COG6: variants seen among roughly 807,000 people sequenced by gnomAD.
The protein encoded by COG6 is conserved oligomeric Golgi complex subunit 6.
COG6 carries 74 observed loss-of-function variants against 88.8 expected under a neutral mutation model. That is an observed-to-expected ratio of 0.83 (90% confidence interval 0.69 to 1.01). COG6 has a LOEUF of 1.01. Among genes scored for constraint, COG6 ranks in the 50% least tolerant of loss-of-function variants. The pLI is 0.00. For synonymous variants in COG6, 286 were observed against 278.7 expected (o/e 1.03, Z -0.26); for missense variants, 800 against 797.9 (o/e 1.00, Z -0.03).
chr13:39,665,748 G>C (rs2137957476), intron 4 of COG6, among the ~76,000 whole-genome samples: 1 of 152,304 alleles, frequency 6.6e-6, no homozygotes, highest in Non-Finnish European at 1.5e-5. Context: ...ATTATATTAT[G>C]ATGCAGTATA....
At chr13:39,677,653 G>T in intron 5 of COG6, 74 bp downstream of exon 5, 2 of 798,432 alleles carry the variant, frequency 2.5e-6, no homozygotes, top group Non-Finnish European at 2.0e-6. Flanking sequence ...CTTTTTTGAA[G>T]CTTTATTTTC....
intron 6 of COG6, 147 bp from the exon 7 acceptor site, chr13:39,679,823 ATTTAT>A (rs745570923): frequency 9.7e-5 from 66 of 677,960 alleles, no homozygotes; most frequent in Non-Finnish European, 1.6e-4. Flanking sequence ...AAAATGTGAC[ATTTAT>A]TTAATTGTAG....
chr13:39,691,405 T>C (rs1367111350), intron 11 of COG6, among the ~76,000 whole-genome samples: 1 of 151,990 alleles, frequency 6.6e-6, no homozygotes, highest in Admixed American at 6.6e-5. Context: ...TGTGATCTGC[T>C]GGCAAATTTA....
At chr13:39,756,590 T>C (rs575460284), downstream of COG6, among the ~76,000 whole-genome samples, 21 of 152,260 alleles carry the variant, frequency 1.4e-4, no homozygotes, top group African/African-American at 4.6e-4. Context: ...CAAACTGTTA[T>C]AAGCCAAAGG....
At chr13:39,783,010 A>T (rs1225994123) in intron 18 of COG6, among the ~76,000 whole-genome samples, 1 of 152,150 alleles carries the variant, frequency 6.6e-6, no homozygotes, top group African/African-American at 2.4e-5. Context: ...TATATTGATG[A>T]CTGTGAACTT....
At position 39,724,493 on chromosome 13, in the gene COG6, T is replaced by C. The variant is rs1167828021; in HGVS notation, c.1693-15T>C. 6.5e-7 allele frequency: 1 copy of C among 1,536,220 alleles called. No individual in the cohort carries two copies. The highest frequency in any genetic ancestry group is 8.8e-7 in the Non-Finnish European group (1 of 1,134,518). Reference sequence around the variant, plus strand: ...TACATCTTGGATCTGCTTTTTTTTTTTTTTTTTTAAATAGGGCTCTTTAGC... The same window carrying C: ...TACATCTTGGATCTGCTTTTTTTTTCTTTTTTTTAAATAGGGCTCTTTAGC... On this transcript the variant is annotated splice_polypyrimidine_tract_variant and intron_variant, in intron 16 of 18. Coordinates refer to ENST00000455146, the MANE Select transcript of COG6 (RefSeq NM_020751.3).
In COG6 at chr13:39,690,796, A is replaced by G. The variant is rs546282798; in HGVS notation, c.1074+972A>G. On this transcript the variant is annotated intron_variant, in intron 11 of 18. Transcript: ENST00000455146. ...CATAGGACCTAACTGTATATTCAGT[A>G]AATAAATGGCTAAGTATCTTGAAAT... 5.3e-3 allele frequency among the ~76,000 whole-genome samples: 811 copies of G among 152,060 alleles called. 3 individuals are homozygous for G. The highest frequency in any genetic ancestry group is 7.8e-3 in the Non-Finnish European group (531 of 67,836).
At chr13:39,675,177 T>G (rs959854635) in intron 4 of COG6, among the ~76,000 whole-genome samples, 1 of 152,180 alleles carries the variant, frequency 6.6e-6, no homozygotes, top group African/African-American at 2.4e-5. Flanking sequence ...ATGTTAATAT[T>G]TATCTCCTAT....
At chr13:39,727,329 A>G in intron 17 of COG6, 140 bp from the exon 18 acceptor site, 1 of 695,292 alleles carries the variant, frequency 1.4e-6, no homozygotes, top group Non-Finnish European at 2.6e-6. Flanking sequence ...TAGAAAATAC[A>G]CAATTTGAAC....
rs778013783 is a variant in COG6 at position 39,655,700 on chromosome 13, G to GCCC, written c.-26_-25insCCC. On this transcript the variant is annotated 5_prime_UTR_variant, in exon 1 of 19. Transcript: ENST00000455146. ...CCGTGGTCCCTGCCTGGCTGAGGTG[G>GCCC]CAGCAGGGGGCGGGACGCGCAGCGC... 5 of 1,551,850 alleles carry GCCC rather than the reference G, an allele frequency of 3.2e-6. No homozygotes were observed. The Admixed American group carries it at 9.7e-5, about 30-fold the overall frequency.
chr13:39,687,055 T>A (rs990383281), intron 8 of COG6, among the ~76,000 whole-genome samples: 1 of 152,146 alleles, frequency 6.6e-6, no homozygotes, highest in African/African-American at 2.4e-5. Flanking sequence ...CTAATTATAA[T>A]CAGTTTTTGA....
chr13:39,682,317 T>G (rs1876364474), intron 8 of COG6, 53 bp downstream of exon 8: 4 of 1,016,900 alleles, frequency 3.9e-6, no homozygotes, highest in Non-Finnish European at 4.7e-6. Context: ...TTTTGATATC[T>G]TACTTTAAAT....
chr13:39,748,387 G>A (rs1407371447), intron 18 of COG6, among the ~76,000 whole-genome samples: 1 of 152,056 alleles, frequency 6.6e-6, no homozygotes, highest in African/African-American at 2.4e-5. Context: ...GGCCACAGTG[G>A]GCGGATCACC....
At position 39,747,570 on chromosome 13, in the gene COG6, C is replaced by T. The variant is rs577796180; in HGVS notation, c.1827-3376C>T. The stretch of plus-strand genomic sequence containing the variant: ...ATCTCAGTGGCTTTTTAAGCTGAGG[C>T]GGAGATTGAAGACATACTATACCAT... On this transcript the variant is annotated intron_variant, in intron 18 of 18. Transcript: ENST00000455146. 3.0e-4 allele frequency among the ~76,000 whole-genome samples: 46 copies of T among 151,896 alleles called. 1 individual carries two copies. The highest frequency in any genetic ancestry group is 3.0e-3 in the Admixed American group (45 of 15,242).
intron 15 of COG6, among the ~76,000 whole-genome samples, chr13:39,720,611 T>C (rs1345149295): frequency 6.6e-6 from 1 of 152,086 alleles, no homozygotes; most frequent in Non-Finnish European, 1.5e-5. Flanking sequence ...CAAATAATTC[T>C]ACAGAACTTG....
intron 13 of COG6, among the ~76,000 whole-genome samples, chr13:39,713,116 A>T (rs1214275518): frequency 6.6e-6 from 1 of 152,200 alleles, no homozygotes; most frequent in East Asian, 1.9e-4. Flanking sequence ...CATTCTGAGG[A>T]TGCATCTGCC....
In COG6 at chr13:39,722,804, A is replaced by G. The variant is rs76201942; in HGVS notation, c.1585-529A>G. Among the ~76,000 whole-genome samples the G allele has an allele frequency of 8.3e-3, 1,255 of 152,042 alleles. 20 individuals carry two copies. Among genetic ancestry groups the G allele is most frequent in the African/African-American group, 0.029 (1,189 of 41,488 alleles). On this transcript the variant is annotated intron_variant, in intron 15 of 18. Transcript: ENST00000455146. ...TCTTCTTAGGCAGTTCCTGAACCTG[A>G]AATCTTTAGTCAAGTTTCTACTGGG...
At chr13:39,750,729 A>G (rs1177843301) in intron 18 of COG6, among the ~76,000 whole-genome samples, 4 of 152,154 alleles carry the variant, frequency 2.6e-5, no homozygotes, top group Non-Finnish European at 5.9e-5. Flanking sequence ...TGCAACCTAT[A>G]TAGTAATGGA....
chr13:39,657,022 G>T, intron 1 of COG6: 1 of 359,658 alleles, frequency 2.8e-6, no homozygotes, highest in Admixed American at 3.4e-5. Flanking sequence ...TACTTGCTCT[G>T]ATATAGATAA....
Sources: gnomAD v4.1 joint callset for allele counts (sites outside exome capture counted in the v4.1 genomes callset) on GRCh38, gnomAD v4.1.1 for gene constraint, MANE v1.5 for transcripts, NCBI Gene and HGNC (gene_info 2026-07-23, HGNC 2026-07-21) for gene names.